LUZP2: variants seen among roughly 807,000 people sequenced by gnomAD.
LUZP2 encodes leucine zipper protein 2.
In LUZP2, 52 loss-of-function variants were observed where a neutral mutation model predicts 51.6. The observed-to-expected ratio is 1.01, with a 90% CI of 0.81 to 1.27. The LOEUF (loss-of-function observed/expected upper bound fraction) is 1.27. Among genes scored for constraint, LUZP2 ranks in the 50% most tolerant of loss-of-function variants. The pLI is 0.00. For missense variants in LUZP2, 436 were observed against 395.4 expected (o/e 1.10, Z -0.87); for synonymous variants, 154 against 137.3 (o/e 1.12, Z -0.85).
intron 9 of LUZP2, among the ~76,000 whole-genome samples, chr11:25,010,380 C>A (rs534858335): frequency 4.1e-4 from 62 of 150,988 alleles, no homozygotes; most frequent in African/African-American, 1.5e-3. Flanking sequence ...ATGGTGAAAC[C>A]CTGTCTCTAC....
intron 9 of LUZP2, among the ~76,000 whole-genome samples, chr11:25,016,886 C>T (rs1329142416): frequency 6.6e-6 from 1 of 152,044 alleles, no homozygotes; most frequent in East Asian, 1.9e-4. Context: ...TTTTCATTCT[C>T]ACCAGCAATG....
intron 9 of LUZP2, among the ~76,000 whole-genome samples, chr11:25,029,999 A>G (rs1462565860): frequency 1.3e-5 from 2 of 152,124 alleles, no homozygotes; most frequent in African/African-American, 2.4e-5. Context: ...AGATTTACCA[A>G]CCAACATAAC....
At chr11:24,990,365 A>G (rs1231754850) in intron 9 of LUZP2, among the ~76,000 whole-genome samples, 1 of 152,096 alleles carries the variant, frequency 6.6e-6, no homozygotes, top group Non-Finnish European at 1.5e-5. Context: ...TGTAAAATTT[A>G]AATTTAACTG....
intron 1 of LUZP2, among the ~76,000 whole-genome samples, chr11:24,663,875 A>G (rs1202914876): frequency 1.1e-4 from 17 of 152,246 alleles, no homozygotes; most frequent in Admixed American, 8.5e-4. Context: ...GAAGAAGGAC[A>G]TGTTTGTTTT....
chr11:25,061,432 T>G (rs2134040059), intron 10 of LUZP2, among the ~76,000 whole-genome samples: 1 of 152,316 alleles, frequency 6.6e-6, no homozygotes, highest in South Asian at 2.1e-4. Context: ...TTAATCATTT[T>G]AATAGATGTA....
intron 1 of LUZP2, among the ~76,000 whole-genome samples, chr11:24,671,224 A>G (rs1424249099): frequency 6.6e-6 from 1 of 151,812 alleles, no homozygotes; most frequent in African/African-American, 2.4e-5. Context: ...ATCTGTGTAG[A>G]TATTTTTTCT....
chr11:24,537,701 T>A (rs1851222017), intron 1 of LUZP2, among the ~76,000 whole-genome samples: 1 of 151,938 alleles, frequency 6.6e-6, no homozygotes. Context: ...TTCAGTCTAG[T>A]CTGTGAAACT....
At chr11:24,823,011 T>C (rs1342222699) in intron 5 of LUZP2, among the ~76,000 whole-genome samples, 2 of 152,160 alleles carry the variant, frequency 1.3e-5, no homozygotes. Context: ...GTATTTCCAG[T>C]ACATATCAGG....
intron 7 of LUZP2, among the ~76,000 whole-genome samples, chr11:24,962,354 G>A (rs907415714): frequency 2.6e-5 from 4 of 152,218 alleles, no homozygotes; most frequent in Non-Finnish European, 5.9e-5. Context: ...ATATCCTGCA[G>A]AGTGTTTTCC....
intron 2 of LUZP2, among the ~76,000 whole-genome samples, chr11:24,731,303 C>T (rs1858704128): frequency 6.6e-6 from 1 of 151,704 alleles, no homozygotes; most frequent in South Asian, 2.1e-4. Flanking sequence ...GCCCTTTTTG[C>T]TATTGTCAGT....
intron 1 of LUZP2, among the ~76,000 whole-genome samples, chr11:24,697,820 T>C (rs749713716): frequency 6.6e-6 from 1 of 152,132 alleles, no homozygotes; most frequent in Non-Finnish European, 1.5e-5. Flanking sequence ...ACATCACCAT[T>C]ATAAAGCCTA....
chr11:24,706,347 T>G (rs531755399), intron 1 of LUZP2, among the ~76,000 whole-genome samples: 13 of 152,216 alleles, frequency 8.5e-5, no homozygotes, highest in African/African-American at 2.9e-4. Flanking sequence ...TGACAAAACC[T>G]CTCATCTTGT....
intron 2 of LUZP2, 22 bp downstream of exon 2, chr11:24,729,308 C>T (rs777196801): frequency 6.1e-5 from 81 of 1,324,560 alleles, no homozygotes; most frequent in East Asian, 1.2e-4. Flanking sequence ...ACTCATTTTC[C>T]GAGCAGTAAA....
chr11:24,907,364 A>G lies in LUZP2; in HGVS notation c.459+1311A>G, dbSNP rs533572026. Among the ~76,000 whole-genome samples, 7 of 152,130 alleles carry G rather than the reference A, an allele frequency of 4.6e-5. No individual in the cohort carries two copies. The South Asian group carries it at 1.4e-3, about 32-fold the overall frequency. ...ATGCAATGTAACAATCCATTTTATA[A>G]TATCTTTCCTATAATATTATATATG... On this transcript the variant is annotated intron_variant, in intron 6 of 11. Coordinates refer to ENST00000336930, the MANE Select transcript of LUZP2 (RefSeq NM_001009909.4).
chr11:24,960,679 G>A (rs11512141), intron 7 of LUZP2, among the ~76,000 whole-genome samples: 55,892 of 151,550 alleles, frequency 0.37, 12,620 homozygotes, highest in East Asian at 0.7. Flanking sequence ...CAATTTTCTT[G>A]AGCCTTTCAA....
chr11:25,071,749 C>T (rs1277420700), intron 10 of LUZP2, among the ~76,000 whole-genome samples: 1 of 151,624 alleles, frequency 6.6e-6, no homozygotes, highest in Non-Finnish European at 1.5e-5. Flanking sequence ...AGCACACCAA[C>T]ATGGCACATG....
chr11:24,897,319 C>T (rs1020773155), intron 5 of LUZP2, among the ~76,000 whole-genome samples: 2 of 152,168 alleles, frequency 1.3e-5, no homozygotes, highest in Admixed American at 6.5e-5. Context: ...GTAGTAGCAA[C>T]CCGCCTCTGT....
At chr11:24,825,029 T>C (rs904579415) in intron 5 of LUZP2, among the ~76,000 whole-genome samples, 1 of 152,086 alleles carries the variant, frequency 6.6e-6, no homozygotes, top group Non-Finnish European at 1.5e-5. Context: ...CAAACATATA[T>C]GTAGATCTAC....
intron 7 of LUZP2, among the ~76,000 whole-genome samples, chr11:24,920,022 T>G (rs1486725819): frequency 2.6e-5 from 4 of 151,866 alleles, no homozygotes; most frequent in Non-Finnish European, 5.9e-5. Flanking sequence ...GTAAAATGAT[T>G]ATTTTGATTT....
Sources: gnomAD v4.1 joint callset for allele counts (sites outside exome capture counted in the v4.1 genomes callset) on GRCh38, gnomAD v4.1.1 for gene constraint, MANE v1.5 for transcripts, NCBI Gene and HGNC (gene_info 2026-07-23, HGNC 2026-07-21) for gene names.